The following PLA1A variants were observed in gnomAD, a reference collection of about 807,000 sequenced individuals.
PLA1A encodes the protein phospholipase A1 member A, also known as phosphatidylserine-specific phospholipase A1alpha.
PLA1A carries 47 observed loss-of-function variants against 49.4 expected under a neutral mutation model. That is an observed-to-expected ratio of 0.95 (90% CI 0.75 to 1.21). PLA1A has a LOEUF of 1.21. Among genes scored for constraint, PLA1A ranks in the 50% most tolerant of loss-of-function variants. The probability of loss-of-function intolerance (pLI) is 0.00; values close to 1 mark genes in which losing one functional copy is unlikely to be tolerated. For synonymous variants in PLA1A, 224 were observed against 207.9 expected (o/e 1.08, Z -0.67); for missense variants, 561 against 563.9 (o/e 0.99, Z 0.05).
chr3:119,613,240 A>G (rs1352218367), intron 5 of PLA1A, 122 bp downstream of exon 5: 1 of 615,378 alleles, frequency 1.6e-6, no homozygotes, highest in Non-Finnish European at 2.9e-6. Flanking sequence ...TCTGTTGCAC[A>G]GTGAAGAGTT....
Position 119,625,178 on chromosome 3 carries a change from A to G in PLA1A, c.1067A>G (p.Asn356Ser). The change falls in exon 9 of 11, where the codon AAC becomes AGC. Residue 356 changes from asparagine (N) to serine (S), a missense_variant. By Grantham distance (46) the Asn-to-Ser change is conservative (BLOSUM62 1). Transcript: ENST00000273371. ...HLKELRNKDT[N>S]IEVTFLSSNI... is the part of the protein sequence containing the mutation. ...AAGGAACTGAGAAACAAGGACACCAACATCGAGGTTACCTTCCTTAGCAGT... is the reference window on the plus strand; with the variant it reads ...AAGGAACTGAGAAACAAGGACACCAGCATCGAGGTTACCTTCCTTAGCAGT... The G allele has an allele frequency of 1.2e-6, 2 of 1,613,956 alleles. No homozygotes were observed. Among genetic ancestry groups the G allele is most frequent in the Non-Finnish European group, 1.7e-6 (2 of 1,179,816 alleles).
chr3:119,615,020 G>T (rs547763620), intron 5 of PLA1A, among the ~76,000 whole-genome samples: 147 of 152,310 alleles, frequency 9.7e-4, no homozygotes, highest in African/African-American at 3.3e-3. Context: ...AGGTAGAGCT[G>T]ACTAGACTCA....
rs544297233 is a variant in PLA1A at position 119,617,906 on chromosome 3, C to T, written c.755-113C>T. ...CTGAAAAAGTGATTTGAGGGGACTC[C>T]CATGCATGTATTTACAGCTTGCTGG... On this transcript the variant is annotated intron_variant, in intron 6 of 10. Coordinates refer to ENST00000273371, the MANE Select transcript of PLA1A (RefSeq NM_015900.4). The T allele has an allele frequency of 1.6e-5, 12 of 729,372 alleles. No individual in the cohort carries two copies. In the East Asian group the frequency reaches 2.4e-4, roughly 15 times the overall value. 45.2% of individuals were successfully genotyped at this position (729,372 alleles called of 1,614,324 possible). A position where few individuals can be genotyped will look rare whatever the true frequency, so the allele number is the denominator to read the frequency against.
At chr3:119,607,305 T>C (rs1405143180) in intron 2 of PLA1A, among the ~76,000 whole-genome samples, 2 of 152,246 alleles carry the variant, frequency 1.3e-5, no homozygotes, top group Non-Finnish European at 2.9e-5. Context: ...TTTTATGACC[T>C]AAGAAACTTC....
intron 5 of PLA1A, among the ~76,000 whole-genome samples, chr3:119,614,675 G>A (rs1167484949): frequency 1.3e-5 from 2 of 150,882 alleles, no homozygotes; most frequent in East Asian, 1.9e-4. Context: ...TGACTTATTA[G>A]GTACCCATTT....
chr3:119,628,195 C>T (rs1003178475), intron 9 of PLA1A, among the ~76,000 whole-genome samples: 1 of 152,242 alleles, frequency 6.6e-6, no homozygotes, highest in Non-Finnish European at 1.5e-5. Context: ...GGTAACTTGT[C>T]CAAAGCCATA....
chr3:119,622,138 G>A (rs59000704), intron 8 of PLA1A, among the ~76,000 whole-genome samples: 120 of 142,474 alleles, frequency 8.4e-4, no homozygotes, highest in African/African-American at 3.2e-3. Flanking sequence ...AGAGGAAGAG[G>A]AGGAGGAGGA....
At chr3:119,609,723 G>T (rs1159647257) in intron 4 of PLA1A, 147 bp downstream of exon 4, 4 of 503,356 alleles carry the variant, frequency 7.9e-6, no homozygotes, top group Non-Finnish European at 1.1e-5. Context: ...TATTTATTGT[G>T]GTTCTTTTGC....
intron 9 of PLA1A, 138 bp from the exon 10 acceptor site, chr3:119,628,563 A>G (rs1186510478): frequency 1.5e-6 from 1 of 657,252 alleles, no homozygotes; most frequent in Non-Finnish European, 2.7e-6. Context: ...AGGTGACACA[A>G]AGGACTGTGG....
At chr3:119,607,006 A>C in intron 2 of PLA1A, 31 bp downstream of exon 2, 34 of 1,534,456 alleles carry the variant, frequency 2.2e-5, no homozygotes, top group Non-Finnish European at 2.9e-5. Flanking sequence ...AGGACTTCTC[A>C]ACTAAGAATG....
intron 4 of PLA1A, among the ~76,000 whole-genome samples, chr3:119,611,521 T>C (rs987769724): frequency 6.6e-6 from 1 of 152,196 alleles, no homozygotes; most frequent in Admixed American, 6.5e-5. Flanking sequence ...GTGTCACCTA[T>C]GATTTTTTTT....
chr3:119,627,918 G>T (rs1320228030), intron 9 of PLA1A, among the ~76,000 whole-genome samples: 6 of 152,210 alleles, frequency 3.9e-5, no homozygotes, highest in Non-Finnish European at 8.8e-5. Flanking sequence ...CCTTTTGGAA[G>T]CACCCTGCTA....
chr3:119,612,661 T>C (rs1032837181), intron 4 of PLA1A, among the ~76,000 whole-genome samples: 1 of 152,202 alleles, frequency 6.6e-6, no homozygotes, highest in African/African-American at 2.4e-5. Flanking sequence ...GCTGATTTTT[T>C]GTGTTTTTAG....
chr3:119,601,520 T>C (rs1036290005), intron 1 of PLA1A, among the ~76,000 whole-genome samples: 7 of 152,220 alleles, frequency 4.6e-5, no homozygotes, highest in Non-Finnish European at 1.0e-4. Context: ...ATTTCTATTG[T>C]TTATAAATCT....
At chr3:119,603,617 T>C (rs2082646227) in intron 1 of PLA1A, among the ~76,000 whole-genome samples, 1 of 152,214 alleles carries the variant, frequency 6.6e-6, no homozygotes, top group Admixed American at 6.5e-5. Flanking sequence ...AACATTTGCA[T>C]GTAAGTTACA....
intron 8 of PLA1A, among the ~76,000 whole-genome samples, chr3:119,624,488 C>T (rs943894959): frequency 1.3e-5 from 2 of 152,118 alleles, no homozygotes; most frequent in African/African-American, 4.8e-5. Context: ...GATCATCCCA[C>T]CATGAATATG....
chr3:119,623,031 G>C (rs1387453167), intron 8 of PLA1A, among the ~76,000 whole-genome samples: 2 of 152,182 alleles, frequency 1.3e-5, no homozygotes, highest in East Asian at 1.9e-4. Flanking sequence ...GTTTCACCAT[G>C]TTGGCCAGGC....
chr3:119,624,958 T>C (rs116153287), intron 8 of PLA1A, among the ~76,000 whole-genome samples, 166 bp from the exon 9 acceptor site: 77 of 152,346 alleles, frequency 5.1e-4, no homozygotes, highest in African/African-American at 1.7e-3. Context: ...ATCCTCAATT[T>C]GCACTTGAGG....
chr3:119,620,222 T>C, intron 8 of PLA1A: 1 of 451,250 alleles, frequency 2.2e-6, no homozygotes, highest in Non-Finnish European at 4.5e-6. Flanking sequence ...TCCTTCCCTA[T>C]GCTATGTGCA....
Sources: allele counts gnomAD v4.1 joint callset (sites outside exome capture counted in the v4.1 genomes callset), GRCh38; gene constraint gnomAD v4.1.1; transcripts MANE v1.5; gene names NCBI Gene and HGNC (gene_info 2026-07-23, HGNC 2026-07-21).